OTUD7B: variants seen among roughly 807,000 people sequenced by gnomAD.
OTUD7B encodes the protein OTU deubiquitinase 7B, also known as OTU domain-containing protein 7B.
Under a neutral mutation model 82.2 loss-of-function variants are expected in OTUD7B, and 34 were observed. The ratio of observed to expected loss-of-function variants is 0.41; its 90% CI spans 0.31 to 0.55. The LOEUF is 0.55. Among genes scored for constraint, OTUD7B ranks in the 20% least tolerant of loss-of-function variants. OTUD7B has a pLI of 0.20. For synonymous variants in OTUD7B, 398 were observed against 402.7 expected (o/e 0.99, Z 0.14); for missense variants, 944 against 1,062.1 (o/e 0.89, Z 1.55).
Position 149,943,823 on chromosome 1 carries a change from G to T in OTUD7B, c.*34C>A. 4 of 1,600,980 alleles carry T rather than the reference G, an allele frequency of 2.5e-6. No individual in the cohort carries two copies. Among genetic ancestry groups the T allele is most frequent in the Non-Finnish European group, 3.4e-6 (4 of 1,170,824 alleles). ...GAGCCAATTAGTTGAGCTTAACTTT[G>T]TTTAGCCTCCTTGCCCTTCAGTGTT... is the stretch of plus-strand genomic sequence containing the variant. On this transcript the variant is annotated 3_prime_UTR_variant, in exon 12 of 12. Transcript: ENST00000581312.
intron 4 of OTUD7B, among the ~76,000 whole-genome samples, chr1:149,966,104 C>G (rs1350601678): frequency 6.6e-6 from 1 of 152,248 alleles, no homozygotes; most frequent in Non-Finnish European, 1.5e-5. Flanking sequence ...CAAAGGGACA[C>G]TGGCAATGAC....
chr1:149,947,215 A>T (rs782556270), intron 11 of OTUD7B, 36 bp downstream of exon 11: 1 of 1,181,182 alleles, frequency 8.5e-7, no homozygotes, highest in Non-Finnish European at 1.3e-6. Context: ...AAATGAAATG[A>T]AGACACACCA....
rs587707358 is a variant in OTUD7B at position 149,994,451 on chromosome 1, T to G, written c.-67+15997A>C. Among the ~76,000 whole-genome samples the G allele has an allele frequency of 3.9e-5, 6 of 151,916 alleles. No individual in the cohort carries two copies. In the South Asian group the frequency reaches 1.2e-3, roughly 32 times the overall value. On this transcript the variant is annotated intron_variant, in intron 1 of 11. Coordinates refer to ENST00000581312, the MANE Select transcript of OTUD7B (RefSeq NM_020205.4). The stretch of plus-strand genomic sequence containing the variant: ...CAAAAATTAGGTAGGTGTGGTGGCA[T>G]GCGCCTGTAAACCCAGCTACTTGGG...
the OTUD7B span, among the ~76,000 whole-genome samples, chr1:150,058,605 T>C: frequency 1.3e-5 from 2 of 152,172 alleles, no homozygotes; most frequent in African/African-American, 2.4e-5. Flanking sequence ...CCCAGATCCA[T>C]TGACTAAAAA....
At chr1:149,957,091 G>A (rs181752489) in intron 7 of OTUD7B, among the ~76,000 whole-genome samples, 9 of 152,260 alleles carry the variant, frequency 5.9e-5, no homozygotes, top group East Asian at 1.9e-4. Flanking sequence ...GAGGAGCTGC[G>A]TTCCTTTGGA....
Position 149,945,076 on chromosome 1 carries a change from C to CAAG in OTUD7B, c.1324-14_1324-12dup. On this transcript the variant is annotated splice_polypyrimidine_tract_variant and intron_variant, in intron 11 of 11. Transcript: ENST00000581312. ...CTGGGCCAGAGGAGCCTGGAAGAGA[C>CAAG]AAGAACACTGTTGACAGTTATCCCA... 1 of 1,609,742 alleles carries CAAG rather than the reference C, an allele frequency of 6.2e-7. No individual in the cohort carries two copies. The highest frequency in any genetic ancestry group is 8.5e-7 in the Non-Finnish European group (1 of 1,178,412).
At chr1:149,990,796 G>C (rs1007591510) in intron 1 of OTUD7B, among the ~76,000 whole-genome samples, 3 of 152,002 alleles carry the variant, frequency 2.0e-5, no homozygotes, top group Non-Finnish European at 4.4e-5. Flanking sequence ...AGGAGTTTGC[G>C]ACCAGCCTAA....
chr1:150,008,168 G>T (rs1293824021), intron 1 of OTUD7B, among the ~76,000 whole-genome samples: 1 of 152,142 alleles, frequency 6.6e-6, no homozygotes, highest in African/African-American at 2.4e-5. Context: ...CTCATTCCTA[G>T]GCTTCTTCAA....
intron 7 of OTUD7B, among the ~76,000 whole-genome samples, chr1:149,954,770 G>A (rs1181379142): frequency 2.0e-5 from 3 of 152,088 alleles, no homozygotes; most frequent in Non-Finnish European, 4.4e-5. Flanking sequence ...TTTGGTCTTG[G>A]GAGGGTGTAT....
At chr1:150,012,414 C>T (rs1559874186), upstream of OTUD7B, among the ~76,000 whole-genome samples, 1 of 152,218 alleles carries the variant, frequency 6.6e-6, no homozygotes, top group Non-Finnish European at 1.5e-5. Flanking sequence ...ACAACAATCA[C>T]TGACCACACC....
At chr1:149,979,868 T>C (rs1650594769) in intron 1 of OTUD7B, among the ~76,000 whole-genome samples, 1 of 152,144 alleles carries the variant, frequency 6.6e-6, no homozygotes, top group Non-Finnish European at 1.5e-5. Context: ...AAATAACTTA[T>C]ACACATGAAT....
At chr1:150,051,186 G>A in the OTUD7B span, among the ~76,000 whole-genome samples, 1 of 128,066 alleles carries the variant, frequency 7.8e-6, no homozygotes, top group East Asian at 2.5e-4. Flanking sequence ...CCGAGATTGC[G>A]CCATTGCACT....
In OTUD7B at chr1:149,970,315, CATTT is replaced by C. The variant is rs1325620759; in HGVS notation, c.274+744_274+747del. On this transcript the variant is annotated intron_variant, in intron 3 of 11. Transcript: ENST00000581312. ...TGTATTTCTTTTTTTAATTTTTATT[CATTT>C]ATTTATTTTTTTTTTTGTAGACAGA... 9.7e-5 allele frequency among the ~76,000 whole-genome samples: 10 copies of C among 103,170 alleles called. No individual in the cohort carries two copies. The South Asian group carries it at 3.8e-3, about 40-fold the overall frequency. The allele number at this position is 103,170 out of a possible 152,430, so 67.7% of individuals were successfully genotyped here.
chr1:149,984,778 A>G (rs116219291), intron 1 of OTUD7B, among the ~76,000 whole-genome samples: 2,086 of 152,220 alleles, frequency 0.014, 55 homozygotes, highest in African/African-American at 0.047. Flanking sequence ...ATAGTCCCCA[A>G]TCATCCAAGT....
At chr1:150,022,225 C>A in the OTUD7B span, among the ~76,000 whole-genome samples, 1 of 151,868 alleles carries the variant, frequency 6.6e-6, no homozygotes, top group South Asian at 2.1e-4. Flanking sequence ...TGGTGAAACC[C>A]CGTCTCTACT....
At chr1:150,045,094 A>AATT in the OTUD7B span, among the ~76,000 whole-genome samples, 451 of 146,488 alleles carry the variant, frequency 3.1e-3, 6 homozygotes, top group Middle Eastern at 0.014. Flanking sequence ...CTTAAACTAA[A>AATT]TTTTTTTTTT....
At chr1:149,972,847 C>T (rs1191273271) in intron 2 of OTUD7B, among the ~76,000 whole-genome samples, 1 of 152,170 alleles carries the variant, frequency 6.6e-6, no homozygotes, top group African/African-American at 2.4e-5. Context: ...TCCTTAAAAT[C>T]AGGTCTTCCT....
At chr1:149,987,387 G>A (rs1269633842) in intron 1 of OTUD7B, among the ~76,000 whole-genome samples, 1 of 152,196 alleles carries the variant, frequency 6.6e-6, no homozygotes, top group African/African-American at 2.4e-5. Flanking sequence ...ACAGATCTTG[G>A]TTCCAATCCC....
rs782052401 is a variant in OTUD7B at position 149,974,969 on chromosome 1, A to T, written c.85+2457T>A. Among the ~76,000 whole-genome samples, 122 of 151,726 alleles carry T rather than the reference A, an allele frequency of 8.0e-4. 2 individuals carry two copies. Among genetic ancestry groups the T allele is most frequent in the Non-Finnish European group, 1.5e-3 (100 of 67,932 alleles). ...CACCTCAGCCTCCCAGGTAGCTGGG[A>T]TTACAGTGAATGCCACCACACCTGG... On this transcript the variant is annotated intron_variant, in intron 2 of 11. Transcript: ENST00000581312.
Sources: allele counts gnomAD v4.1 joint callset (sites outside exome capture counted in the v4.1 genomes callset), GRCh38; gene constraint gnomAD v4.1.1; transcripts MANE v1.5; gene names NCBI Gene and HGNC (gene_info 2026-07-23, HGNC 2026-07-21).